The following MYO5B variants were observed in gnomAD, a reference collection of about 807,000 sequenced individuals.
MYO5B encodes the protein myosin VB.
A neutral mutation model predicts 229.3 loss-of-function variants in MYO5B; 143 were observed. The observed-to-expected ratio is 0.62, with a 90% CI of 0.54 to 0.72. The LOEUF is 0.72. Among genes scored for constraint, MYO5B ranks in the 30% least tolerant of loss-of-function variants. The probability of loss-of-function intolerance (pLI) is 0.00; values close to 1 mark genes in which losing one functional copy is unlikely to be tolerated. For synonymous variants in MYO5B, 918 were observed against 885.2 expected (o/e 1.04, Z -0.66); for missense variants, 2,321 against 2,331.0 (o/e 1.00, Z 0.09).
chr18:50,147,728 T>C (rs550818622), intron 1 of MYO5B, among the ~76,000 whole-genome samples: 2 of 152,126 alleles, frequency 1.3e-5, no homozygotes, highest in African/African-American at 2.4e-5. Context: ...CGAAACTCTT[T>C]TGTATAAAGG....
At chr18:50,017,719 T>TA (rs2026231112) in intron 4 of MYO5B, among the ~76,000 whole-genome samples, 1 of 152,206 alleles carries the variant, frequency 6.6e-6, no homozygotes, top group Non-Finnish European at 1.5e-5. Context: ...GAAAATCTCA[T>TA]ACTTTGAGCC....
intron 1 of MYO5B, among the ~76,000 whole-genome samples, chr18:50,068,044 T>TAC (rs4042092): frequency 0.71 from 105,209 of 147,884 alleles, 38,409 homozygotes; most frequent in Middle Eastern, 0.82. Flanking sequence ...TACACACATA[T>TAC]ACACACACAC....
At position 50,107,109 on chromosome 18, in the gene MYO5B, CTTTTTTTTTTTTTTTTTTT is replaced by C. The variant is rs71169479; in HGVS notation, c.28-51750_28-51732del. Among the ~76,000 whole-genome samples, 4 of 56,648 alleles carry C rather than the reference CTTTTTTTTTTTTTTTTTTT, an allele frequency of 7.1e-5. No individual in the cohort carries two copies. The East Asian group carries it at 2.4e-3, about 33-fold the overall frequency. 37.2% of individuals were successfully genotyped at this position (56,648 alleles called of 152,430 possible). Reference sequence around the variant, plus strand: ...AGGGTTTCCTAATGCCTTAGGGTGCCTTTTTTTTTTTTTTTTTTTTTTTTTTTTTTGAGACAGTCTCCCT... The same window carrying C: ...AGGGTTTCCTAATGCCTTAGGGTGCCTTTTTTTTTTTGAGACAGTCTCCCT... On this transcript the variant is annotated intron_variant, in intron 1 of 39. Coordinates refer to ENST00000285039, the MANE Select transcript of MYO5B (RefSeq NM_001080467.3).
intron 21 of MYO5B, 90 bp downstream of exon 21, chr18:49,902,504 T>A: frequency 6.4e-7 from 1 of 1,567,430 alleles, no homozygotes; most frequent in Admixed American, 1.7e-5. Flanking sequence ...GTCTTCGGCA[T>A]GTGCAGTTCC....
At chr18:50,082,317 T>C (rs2031238000) in intron 1 of MYO5B, among the ~76,000 whole-genome samples, 1 of 152,188 alleles carries the variant, frequency 6.6e-6, no homozygotes, top group Non-Finnish European at 1.5e-5. Context: ...TATTATAAGC[T>C]CAAGTGTGTT....
At chr18:50,017,933 C>T (rs2026233674) in intron 4 of MYO5B, among the ~76,000 whole-genome samples, 1 of 152,078 alleles carries the variant, frequency 6.6e-6, no homozygotes, top group Non-Finnish European at 1.5e-5. Context: ...TTCAAGTGTA[C>T]TTTAAACACA....
chr18:50,000,227 C>A (rs2026030941), intron 5 of MYO5B, among the ~76,000 whole-genome samples: 2 of 152,198 alleles, frequency 1.3e-5, no homozygotes, highest in South Asian at 4.1e-4. Context: ...AAAGACCAAA[C>A]TCCATGGTGA....
At chr18:50,095,634 G>A (rs978368685) in intron 1 of MYO5B, among the ~76,000 whole-genome samples, 1 of 152,178 alleles carries the variant, frequency 6.6e-6, no homozygotes, top group African/African-American at 2.4e-5. Flanking sequence ...TGTGAGCCTA[G>A]CTGTCTTTCA....
chr18:50,025,431 C>A (rs531319717), intron 4 of MYO5B, among the ~76,000 whole-genome samples: 4 of 152,258 alleles, frequency 2.6e-5, no homozygotes, highest in Admixed American at 6.5e-5. Flanking sequence ...AACTCCAGCC[C>A]GGAACTCCTC....
rs564558200 is a variant in MYO5B at position 49,868,489 on chromosome 18, C to A, written c.3603+3678G>T. Among the ~76,000 whole-genome samples the A allele has an allele frequency of 2.6e-5, 4 of 152,336 alleles. No homozygotes were observed. In the South Asian group the frequency reaches 8.3e-4, roughly 32 times the overall value. Reference sequence around the variant, plus strand: ...CAAACTCTGAGTCAGTGGGTACCATCTCCTGATTTGAATCCAGCTCTGGCT... The same window carrying A: ...CAAACTCTGAGTCAGTGGGTACCATATCCTGATTTGAATCCAGCTCTGGCT... On this transcript the variant is annotated intron_variant, in intron 27 of 39. Coordinates refer to ENST00000285039, the MANE Select transcript of MYO5B (RefSeq NM_001080467.3).
chr18:50,080,568 G>T (rs188474848), intron 1 of MYO5B, among the ~76,000 whole-genome samples: 2 of 152,300 alleles, frequency 1.3e-5, no homozygotes, highest in Non-Finnish European at 2.9e-5. Flanking sequence ...CATGCCACTT[G>T]TAGGCCATCC....
At chr18:50,182,290 C>T (rs562030521) in intron 1 of MYO5B, among the ~76,000 whole-genome samples, 3 of 152,224 alleles carry the variant, frequency 2.0e-5, no homozygotes, top group Non-Finnish European at 4.4e-5. Flanking sequence ...CTACATCTAA[C>T]AGGACAGGTG....
intron 4 of MYO5B, among the ~76,000 whole-genome samples, chr18:50,025,344 G>A (rs147909417): frequency 2.0e-5 from 3 of 152,090 alleles, no homozygotes; most frequent in African/African-American, 4.8e-5. Flanking sequence ...TCCACATCCC[G>A]ATGATTTCAT....
intron 1 of MYO5B, among the ~76,000 whole-genome samples, chr18:50,104,105 A>G (rs905964201): frequency 2.7e-5 from 4 of 147,396 alleles, no homozygotes; most frequent in African/African-American, 1.0e-4. Flanking sequence ...TTGAGTTTAC[A>G]GTGGTGAGCT....
chr18:50,156,199 T>C (rs1219511189), intron 1 of MYO5B, among the ~76,000 whole-genome samples: 1 of 152,198 alleles, frequency 6.6e-6, no homozygotes, highest in Admixed American at 6.5e-5. Context: ...ACATCCAGTA[T>C]TTGCACACTC....
chr18:49,929,134 T>C (rs1308379234), intron 17 of MYO5B, among the ~76,000 whole-genome samples: 1 of 152,188 alleles, frequency 6.6e-6, no homozygotes, highest in African/African-American at 2.4e-5. Context: ...TAAAAAGTAG[T>C]TAAGATGGTA....
intron 14 of MYO5B, among the ~76,000 whole-genome samples, chr18:49,941,729 T>C (rs2025315758): frequency 6.6e-6 from 1 of 151,650 alleles, no homozygotes; most frequent in South Asian, 2.1e-4. Flanking sequence ...GAAGAATCAA[T>C]ATCGTGAAAA....
At chr18:49,849,402 T>TA (rs1370266677) in intron 32 of MYO5B, among the ~76,000 whole-genome samples, 165 bp downstream of exon 32, 10 of 152,098 alleles carry the variant, frequency 6.6e-5, no homozygotes, top group African/African-American at 2.2e-4. Context: ...TGCAGATGGG[T>TA]AAGCTCATGG....
chr18:50,001,513 C>G, intron 4 of MYO5B, 102 bp from the exon 5 acceptor site: 1 of 1,384,130 alleles, frequency 7.2e-7, no homozygotes, highest in South Asian at 1.2e-5. Context: ...GGGAGCATCT[C>G]TCCTACTTTA....
Sources: gnomAD v4.1 joint callset for allele counts (sites outside exome capture counted in the v4.1 genomes callset) on GRCh38, gnomAD v4.1.1 for gene constraint, MANE v1.5 for transcripts, NCBI Gene and HGNC (gene_info 2026-07-23, HGNC 2026-07-21) for gene names.